The following DPP6 variants were observed in gnomAD, a reference collection of about 807,000 sequenced individuals.
DPP6 encodes A-type potassium channel modulatory protein DPP6.
In DPP6, 69 loss-of-function variants were observed where a neutral mutation model predicts 122.6. The ratio of observed to expected loss-of-function variants is 0.56; its 90% CI spans 0.46 to 0.69. DPP6 has a LOEUF of 0.69. DPP6 is among the 30% of genes least tolerant of loss of function. The pLI, the probability that DPP6 is intolerant of heterozygous loss-of-function variation, is 0.00. For synonymous variants in DPP6, 418 were observed against 433.1 expected, an observed-to-expected ratio of 0.97 and a Z score of 0.43; for missense variants, 928 against 1,116.9, an observed-to-expected ratio of 0.83 and a Z score of 2.41.
chr7:154,190,125 G>A (rs1294383107), intron 1 of DPP6, among the ~76,000 whole-genome samples: 2 of 152,214 alleles, frequency 1.3e-5, no homozygotes, highest in Non-Finnish European at 2.9e-5. Context: ...TTGAAGGCAA[G>A]AGAGGCCTCC....
chr7:154,818,144 T>C (rs944316487), intron 16 of DPP6, among the ~76,000 whole-genome samples: 1 of 152,148 alleles, frequency 6.6e-6, no homozygotes, highest in African/African-American at 2.4e-5. Context: ...CCAGCCAAAA[T>C]AGAAGTGACA....
intron 1 of DPP6, among the ~76,000 whole-genome samples, chr7:154,321,752 T>C (rs1585932310): frequency 2.3e-5 from 3 of 128,608 alleles, no homozygotes; most frequent in African/African-American, 6.2e-5. Flanking sequence ...GCCACTGCAC[T>C]CCAGCCTGGG....
intron 8 of DPP6, among the ~76,000 whole-genome samples, chr7:154,758,488 C>T (rs1178215921): frequency 6.6e-6 from 1 of 151,924 alleles, no homozygotes; most frequent in East Asian, 1.9e-4. Context: ...TCTCCTGCCT[C>T]AGCCTCCTGA....
intron 1 of DPP6, among the ~76,000 whole-genome samples, chr7:154,417,912 A>G (rs150627230): frequency 3.5e-3 from 534 of 152,282 alleles, no homozygotes; most frequent in Non-Finnish European, 5.3e-3. Context: ...ATTACAATAC[A>G]TTGACAGAAT....
At chr7:154,620,408 T>A (rs1450807189) in intron 5 of DPP6, among the ~76,000 whole-genome samples, 2 of 152,200 alleles carry the variant, frequency 1.3e-5, no homozygotes. Flanking sequence ...TTAAAATTCA[T>A]CTCAAAGGCA....
chr7:154,796,777 T>C (rs1016912806), intron 12 of DPP6, among the ~76,000 whole-genome samples: 23 of 152,210 alleles, frequency 1.5e-4, no homozygotes, highest in African/African-American at 5.5e-4. Context: ...TCCAGCACTA[T>C]AGATGCTGGG....
intron 1 of DPP6, among the ~76,000 whole-genome samples, chr7:154,233,659 C>T (rs1436943518): frequency 6.6e-6 from 1 of 152,106 alleles, no homozygotes. Context: ...AGCAAACCCA[C>T]CAAAAACTTG....
chr7:154,250,519 G>C (rs1211106996), intron 1 of DPP6, among the ~76,000 whole-genome samples: 1 of 152,026 alleles, frequency 6.6e-6, no homozygotes, highest in Non-Finnish European at 1.5e-5. Context: ...ATTCAAGTAG[G>C]AGACAAATGG....
chr7:154,749,295 C>T (rs13228669), intron 8 of DPP6, among the ~76,000 whole-genome samples: 59 of 102,302 alleles, frequency 5.8e-4, no homozygotes, highest in African/African-American at 2.0e-3. Flanking sequence ...AGAGGGATGG[C>T]GGCTTTACTG....
At chr7:153,870,600 C>T in the DPP6 span, among the ~76,000 whole-genome samples, 29,286 of 152,110 alleles carry the variant, frequency 0.19, 2,895 homozygotes, top group South Asian at 0.26. Flanking sequence ...TTCAAACTTC[C>T]TCCTTTAGCT....
In DPP6 at chr7:154,877,431, A is replaced by ACC. The variant is rs1554493555; in HGVS notation, c.2078+1332_2078+1333dup. Among the ~76,000 whole-genome samples the ACC allele has an allele frequency of 2.7e-5, 4 of 148,624 alleles. No homozygotes were observed. The highest frequency in any genetic ancestry group is 1.9e-4 in the East Asian group (1 of 5,136). On this transcript the variant is annotated intron_variant, in intron 20 of 25. Transcript: ENST00000377770. This position sits in a 1 kb window ranked among gnomAD's most constrained non-coding sequence, Gnocchi z 5.2. ...CACACACACACACACACACACACACACCTCTCAAATAAGGAACTATATTGG... is the reference window on the plus strand; with the variant it reads ...CACACACACACACACACACACACACACCCCTCTCAAATAAGGAACTATATTGG...
chr7:154,534,767 T>C (rs1189279479), intron 3 of DPP6, among the ~76,000 whole-genome samples: 2 of 152,192 alleles, frequency 1.3e-5, no homozygotes, highest in African/African-American at 4.8e-5. Context: ...GAATAAGCAA[T>C]ATTTTTTAAA....
intron 1 of DPP6, among the ~76,000 whole-genome samples, chr7:154,394,729 A>G (rs1814934631): frequency 6.6e-6 from 1 of 152,166 alleles, no homozygotes; most frequent in Non-Finnish European, 1.5e-5. Context: ...TTTAGATCTT[A>G]CATTTAGGTC....
At chr7:154,171,811 C>CA (rs1797545107) in intron 1 of DPP6, among the ~76,000 whole-genome samples, 1 of 52,914 alleles carries the variant, frequency 1.9e-5, no homozygotes, top group African/African-American at 6.7e-5. Flanking sequence ...TCCCACCATT[C>CA]TTATATGATA....
At chr7:154,470,011 C>G (rs967311167) in intron 2 of DPP6, among the ~76,000 whole-genome samples, 1 of 152,134 alleles carries the variant, frequency 6.6e-6, no homozygotes, top group Non-Finnish European at 1.5e-5. Flanking sequence ...TCTTTGATTT[C>G]CACCTGTTTT....
chr7:154,599,788 G>C (rs867642383), intron 5 of DPP6, among the ~76,000 whole-genome samples: 31 of 150,486 alleles, frequency 2.1e-4, no homozygotes, highest in African/African-American at 7.6e-4. Context: ...TTCTGTTCTT[G>C]CGATAGTTTG....
intron 5 of DPP6, among the ~76,000 whole-genome samples, chr7:154,573,417 C>T (rs1831256275): frequency 6.6e-6 from 1 of 152,332 alleles, no homozygotes; most frequent in African/African-American, 2.4e-5. Context: ...TCAGCACGTT[C>T]TCCTTCTGAG....
chr7:154,561,581 A>G (rs1338280126), intron 4 of DPP6, among the ~76,000 whole-genome samples: 1 of 152,252 alleles, frequency 6.6e-6, no homozygotes, highest in African/African-American at 2.4e-5. Flanking sequence ...GCAACAAAGC[A>G]ATACTTAAAG....
chr7:154,686,787 A>T (rs943126379), intron 7 of DPP6, among the ~76,000 whole-genome samples: 1 of 151,888 alleles, frequency 6.6e-6, no homozygotes, highest in Admixed American at 6.6e-5. Context: ...ACGCTTCATT[A>T]TTTTTTTTAT....
Sources: gnomAD v4.1 joint callset for allele counts (sites outside exome capture counted in the v4.1 genomes callset) on GRCh38, gnomAD v4.1.1 for gene constraint, Gnocchi (gnomAD v3.1) non-coding constraint, MANE v1.5 for transcripts, NCBI Gene and HGNC (gene_info 2026-07-23, HGNC 2026-07-21) for gene names.